F11R: variants seen among roughly 807,000 people sequenced by gnomAD.
F11R encodes F11 receptor.
F11R carries 27 observed loss-of-function variants against 39.3 expected under a neutral mutation model. The ratio of observed to expected loss-of-function variants is 0.69; its 90% confidence interval spans 0.51 to 0.95. The LOEUF is 0.95. Ranked by LOEUF, F11R falls within the 40% of genes least tolerant of loss-of-function variation. The pLI is 0.00. For missense variants in F11R, 335 were observed against 372.7 expected, an observed-to-expected ratio of 0.90 and a Z score of 0.83; for synonymous variants, 131 against 144.9, an observed-to-expected ratio of 0.90 and a Z score of 0.69.
chr1:160,998,995 C>T (rs1557888592), intron 9 of F11R, 48 bp downstream of exon 9: 1 of 1,613,314 alleles, frequency 6.2e-7, no homozygotes, highest in South Asian at 1.1e-5. Context: ...GAAATCTCCT[C>T]ACTCCAGCCC....
At chr1:161,008,420 T>C (rs1648945660) in intron 1 of F11R, among the ~76,000 whole-genome samples, 2 of 151,946 alleles carry the variant, frequency 1.3e-5, no homozygotes, top group African/African-American at 4.8e-5. Flanking sequence ...TAGAATGGCG[T>C]GAACCCGGGA....
At position 161,001,333 on chromosome 1, in the gene F11R, C is replaced by T. The variant is rs749816751; in HGVS notation, c.85G>A (p.Val29Ile). The T allele has an allele frequency of 2.5e-6, 4 of 1,614,072 alleles. No homozygotes were observed. The South Asian group carries it at 3.3e-5, about 13-fold the overall frequency. The change falls in exon 2 of 10, where the codon GTT becomes ATT. Residue 29 changes from valine (V) to isoleucine (I), a missense_variant. Transcript: ENST00000368026. ...ILLCSLALGS[V>I]TVHSSEPEVR... ...TCAGGTTCAGAAGAGTGCACTGTAACACTGCCCAATGCCAGGGAGCCTAAG... is the reference window on the plus strand; with the variant it reads ...TCAGGTTCAGAAGAGTGCACTGTAATACTGCCCAATGCCAGGGAGCCTAAG...
intron 1 of F11R, among the ~76,000 whole-genome samples, chr1:161,005,057 A>T: frequency 6.6e-6 from 1 of 151,504 alleles, no homozygotes; most frequent in African/African-American, 2.4e-5. Context: ...GCTACTCGGG[A>T]GGCTGAGGCA....
chr1:161,005,648 T>C (rs959290453), intron 1 of F11R, among the ~76,000 whole-genome samples: 6 of 151,858 alleles, frequency 4.0e-5, no homozygotes, highest in African/African-American at 1.5e-4. Context: ...GCTGGGATTA[T>C]AGGCCTGAGC....
At chr1:161,013,983 T>G (rs1350597840) in intron 1 of F11R, among the ~76,000 whole-genome samples, 2 of 152,208 alleles carry the variant, frequency 1.3e-5, no homozygotes, top group Non-Finnish European at 2.9e-5. Context: ...CAGCCGGACT[T>G]TAGACAGAAA....
intron 1 of F11R, among the ~76,000 whole-genome samples, chr1:161,009,270 C>G (rs2247790): frequency 0.25 from 38,210 of 151,990 alleles, 5,084 homozygotes; most frequent in Non-Finnish European, 0.29. Flanking sequence ...ACTGTCAAAG[C>G]AATTCCCACA....
intron 1 of F11R, among the ~76,000 whole-genome samples, chr1:161,001,870 T>C (rs1478415782): frequency 6.6e-6 from 1 of 152,196 alleles, no homozygotes; most frequent in Non-Finnish European, 1.5e-5. Flanking sequence ...ACACGTTGCA[T>C]CATTTGATCC....
intron 1 of F11R, among the ~76,000 whole-genome samples, chr1:161,014,309 C>T (rs577130520): frequency 3.4e-4 from 52 of 152,224 alleles, no homozygotes; most frequent in East Asian, 5.8e-4. Context: ...GTGGTGGAAA[C>T]GTGTGTTGCC....
rs532603672 is a variant in F11R, at chr1:161,019,762, AG to A, written c.64+1247del. On this transcript the variant is annotated intron_variant, in intron 1 of 9. Transcript: ENST00000368026. ...ATGGAAAAAGGAAAAGCAAGTCAAG[AG>A]GGTTTGGTTCCATTCCCAGGTTCCA... 6.4e-3 allele frequency among the ~76,000 whole-genome samples: 976 copies of A among 152,226 alleles called. 11 individuals are homozygous for A. Among genetic ancestry groups the A allele is most frequent in the African/African-American group, 0.022 (934 of 41,544 alleles).
intron 1 of F11R, among the ~76,000 whole-genome samples, chr1:161,017,112 C>T (rs1404322736): frequency 1.3e-5 from 2 of 152,046 alleles, no homozygotes; most frequent in African/African-American, 4.8e-5. Flanking sequence ...CTCAAGTACC[C>T]AGGGACAAAA....
Position 161,001,044 on chromosome 1 carries a change from C to T in F11R, c.217G>A (p.Val73Ile), listed in dbSNP as rs748099605. 12 of 1,613,964 alleles carry T rather than the reference C, an allele frequency of 7.4e-6. No individual in the cohort carries two copies. The African/African-American group carries it at 8.0e-5, about 11-fold the overall frequency. ...KFDQGDTTRLVCYNNKITASY... is the reference protein window; with the variant it reads ...KFDQGDTTRLICYNNKITASY... The stretch of plus-strand genomic sequence containing the variant: ...CCTGTGATCTTGTTATTATAGCAAA[C>T]GAGTCTGGTGGTGTCTCCTTGGTCA... Residue 73 changes from valine (V) to isoleucine (I), a missense_variant, in exon 3 of 10, where the codon GTT becomes ATT. Physicochemically the swap from Val to Ile is conservative, Grantham distance 29 (BLOSUM62 3). Transcript: ENST00000368026.
chr1:161,020,901 T>C, intron 1 of F11R, 109 bp downstream of exon 1: 1 of 931,882 alleles, frequency 1.1e-6, no homozygotes, highest in Admixed American at 1.8e-5. Flanking sequence ...CAGAACGATA[T>C]AGGAAGGTTT....
intron 1 of F11R, among the ~76,000 whole-genome samples, chr1:161,008,628 C>T (rs1337683258): frequency 6.6e-6 from 1 of 152,198 alleles, no homozygotes; most frequent in Non-Finnish European, 1.5e-5. Flanking sequence ...ATCCCTGCAA[C>T]AGCCTTTAGA....
chr1:161,018,724 A>G (rs924391906), intron 1 of F11R, among the ~76,000 whole-genome samples: 1 of 152,104 alleles, frequency 6.6e-6, no homozygotes, highest in Admixed American at 6.6e-5. Flanking sequence ...CCTCATTTGC[A>G]CTAACCAAAT....
Position 160,998,724 on chromosome 1 carries a change from T to C in F11R, c.*147A>G. The C allele has an allele frequency of 1.4e-6, 1 of 721,468 alleles. No homozygotes were observed. The highest frequency in any genetic ancestry group is 1.7e-5 in the South Asian group (1 of 58,346). 44.7% of individuals were successfully genotyped at this position (721,468 alleles called of 1,614,324 possible). A position where few individuals can be genotyped will look rare whatever the true frequency, so the allele number is the denominator to read the frequency against. ...GGAGGATGGGGCACATAGCTGACAT[T>C]ATTAAAAACACATCCGAAGAAGTAG... On this transcript the variant is annotated 3_prime_UTR_variant, in exon 10 of 10. Coordinates refer to ENST00000368026, the MANE Select transcript of F11R (RefSeq NM_016946.6).
chr1:161,010,444 A>AAAAAAAAAAAC (rs1649084425), intron 1 of F11R, among the ~76,000 whole-genome samples: 2 of 145,282 alleles, frequency 1.4e-5, no homozygotes, highest in Non-Finnish European at 3.0e-5. Flanking sequence ...ACTCCATCAA[A>AAAAAAAAAAAC]AAAAAAAAAA....
At chr1:161,007,192 G>A (rs1227780735) in intron 1 of F11R, among the ~76,000 whole-genome samples, 1 of 149,076 alleles carries the variant, frequency 6.7e-6, no homozygotes, top group African/African-American at 2.5e-5. Context: ...AATGCTGGGC[G>A]CAGTGGCTCA....
chr1:161,005,200 T>TAATA (rs1648733828), intron 1 of F11R, among the ~76,000 whole-genome samples: 1 of 149,492 alleles, frequency 6.7e-6, no homozygotes, highest in African/African-American at 2.5e-5. Context: ...ATAATAATAA[T>TAATA]AGATATGGAA....
chr1:161,000,602 G>A (rs755374934), intron 4 of F11R, 29 bp downstream of exon 4: 15 of 1,613,928 alleles, frequency 9.3e-6, no homozygotes, highest in Non-Finnish European at 1.3e-5. Context: ...ACTAACTCCA[G>A]GCCCACCCAG....
Sources: allele counts gnomAD v4.1 joint callset (sites outside exome capture counted in the v4.1 genomes callset), GRCh38; gene constraint gnomAD v4.1.1; transcripts MANE v1.5; gene names NCBI Gene and HGNC (gene_info 2026-07-23, HGNC 2026-07-21).